ST3GAL3: variants seen among roughly 807,000 people sequenced by gnomAD.
ST3GAL3 encodes ST3 beta-galactoside alpha-2,3-sialyltransferase 3.
A neutral mutation model predicts 50.1 loss-of-function variants in ST3GAL3; 21 were observed. The ratio of observed to expected loss-of-function variants is 0.42; its 90% CI spans 0.30 to 0.60. The LOEUF (loss-of-function observed/expected upper bound fraction) is 0.60, where lower values mean the gene tolerates loss of function less well. ST3GAL3 is among the 20% of genes least tolerant of loss of function. The pLI, the probability that ST3GAL3 is intolerant of heterozygous loss-of-function variation, is 0.19. For missense variants in ST3GAL3, 353 were observed against 489.4 expected (o/e 0.72, Z 2.63); for synonymous variants, 183 against 190.0 (o/e 0.96, Z 0.30).
At chr1:43,827,539 G>T (rs1049807492) in intron 4 of ST3GAL3, among the ~76,000 whole-genome samples, 1 of 152,086 alleles carries the variant, frequency 6.6e-6, no homozygotes, top group Non-Finnish European at 1.5e-5. Flanking sequence ...TTGAAACAGG[G>T]TTGCCCAGGC....
At chr1:43,714,292 A>C (rs893157101) in intron 1 of ST3GAL3, among the ~76,000 whole-genome samples, 1 of 149,076 alleles carries the variant, frequency 6.7e-6, no homozygotes, top group Non-Finnish European at 1.5e-5. Flanking sequence ...ATCCCATACA[A>C]ATTTAAACAT....
At position 43,920,763 on chromosome 1, in the gene ST3GAL3, C is replaced by T; in HGVS notation, c.892-19C>T. 6.2e-7 allele frequency: 1 copy of T among 1,614,186 alleles called. No individual in the cohort carries two copies. ...CTGAACTCTGCATGCCTTCTCTCAC[C>T]CCTGCCCCCGTCTTCTAGAACATCC... On this transcript the variant is annotated intron_variant, in intron 10 of 11. Transcript: ENST00000347631.
At position 43,872,415 on chromosome 1, in the gene ST3GAL3, C is replaced by T. The variant is rs572137448; in HGVS notation, c.303-21968C>T. On this transcript the variant is annotated intron_variant, in intron 5 of 11. Transcript: ENST00000347631. ...CCTGCCAGGGCTGCTGGTGAGGCAC[C>T]TGCTGCTCTTCACCCTGCCTCTGAC... Among the ~76,000 whole-genome samples, 454 of 151,408 alleles carry T rather than the reference C, an allele frequency of 3.0e-3. 2 individuals are homozygous for T. The highest frequency in any genetic ancestry group is 0.01 in the African/African-American group (431 of 41,144).
At chr1:43,778,686 C>T (rs1486530713) in intron 2 of ST3GAL3, among the ~76,000 whole-genome samples, 3 of 142,002 alleles carry the variant, frequency 2.1e-5, no homozygotes, top group Non-Finnish European at 3.0e-5. Flanking sequence ...CGCTCTGTCG[C>T]CCAGGCTGGA....
intron 5 of ST3GAL3, chr1:43,840,030 CTTT>C (rs529923605): frequency 1.1e-4 from 15 of 141,306 alleles, no homozygotes; most frequent in Non-Finnish European, 1.2e-4. Context: ...TTTTCCCTTC[CTTT>C]TTTTTTTTTT....
intron 11 of ST3GAL3, chr1:43,921,445 A>G: frequency 2.5e-6 from 1 of 406,970 alleles, no homozygotes; most frequent in Non-Finnish European, 4.3e-6. Flanking sequence ...CTCCCTAGCC[A>G]AGACCCCATG....
intron 5 of ST3GAL3, among the ~76,000 whole-genome samples, chr1:43,865,559 C>T (rs560803304): frequency 1.3e-5 from 2 of 152,082 alleles, no homozygotes; most frequent in Non-Finnish European, 2.9e-5. Context: ...ATACATAATC[C>T]TTACCCCAGA....
intron 3 of ST3GAL3, among the ~76,000 whole-genome samples, chr1:43,812,148 G>T (rs1454187554): frequency 6.6e-6 from 1 of 152,180 alleles, no homozygotes; most frequent in Admixed American, 6.5e-5. Context: ...CAGCCCTCAT[G>T]AGCTGTCAGT....
At chr1:43,821,409 C>T (rs187125545) in intron 4 of ST3GAL3, among the ~76,000 whole-genome samples, 13 of 152,088 alleles carry the variant, frequency 8.5e-5, no homozygotes, top group Admixed American at 7.2e-4. Flanking sequence ...TCCCGAGAGA[C>T]CCAGGTTTCT....
At chr1:43,881,788 G>T (rs2075181482) in intron 5 of ST3GAL3, among the ~76,000 whole-genome samples, 1 of 152,100 alleles carries the variant, frequency 6.6e-6, no homozygotes, top group South Asian at 2.1e-4. Context: ...ATTTCAGAAT[G>T]GGGGGTGGGG....
chr1:43,831,851 G>A (rs1208963121), intron 4 of ST3GAL3: 1 of 152,222 alleles, frequency 6.6e-6, no homozygotes, highest in African/African-American at 2.4e-5. Flanking sequence ...AGTGTAAACA[G>A]AACAGTGCAT....
chr1:43,804,295 C>T (rs565045000), intron 3 of ST3GAL3, among the ~76,000 whole-genome samples: 4 of 152,312 alleles, frequency 2.6e-5, no homozygotes, highest in African/African-American at 9.6e-5. Flanking sequence ...AGTAGAGAAG[C>T]TCTGCTCCTG....
intron 2 of ST3GAL3, among the ~76,000 whole-genome samples, chr1:43,789,824 C>T (rs1230541042): frequency 6.6e-6 from 1 of 150,490 alleles, no homozygotes; most frequent in Non-Finnish European, 1.5e-5. Flanking sequence ...CAGTGAGCCA[C>T]AATTGCACCA....
chr1:43,850,442 G>T, intron 5 of ST3GAL3: 1 of 589,938 alleles, frequency 1.7e-6, no homozygotes, highest in Non-Finnish European at 3.3e-6. Context: ...CGTTGCTCTG[G>T]ATCTGCAGGG....
At chr1:43,786,675 A>T (rs1376842490) in intron 2 of ST3GAL3, among the ~76,000 whole-genome samples, 1 of 152,096 alleles carries the variant, frequency 6.6e-6, no homozygotes, top group Non-Finnish European at 1.5e-5. Context: ...TATCTCCCTG[A>T]CTAAAACAAA....
intron 5 of ST3GAL3, chr1:43,851,047 T>C (rs2067201953): frequency 1.2e-6 from 1 of 845,682 alleles, no homozygotes; most frequent in Non-Finnish European, 2.1e-6. Context: ...CCTGCTGATA[T>C]GTGCCATGTC....
chr1:43,751,625 G>A (rs148398123), intron 2 of ST3GAL3, among the ~76,000 whole-genome samples: 3 of 152,140 alleles, frequency 2.0e-5, no homozygotes, highest in African/African-American at 7.2e-5. Flanking sequence ...AAATGCATAT[G>A]TATACAGATA....
intron 11 of ST3GAL3, among the ~76,000 whole-genome samples, chr1:43,929,845 C>T (rs1237774592): frequency 3.3e-5 from 5 of 152,172 alleles, no homozygotes; most frequent in African/African-American, 7.2e-5. Context: ...AAGGTCCTTC[C>T]GCCAGCACTG....
chr1:43,749,775 C>A (rs1685302659), intron 2 of ST3GAL3, among the ~76,000 whole-genome samples: 1 of 152,194 alleles, frequency 6.6e-6, no homozygotes, highest in Non-Finnish European at 1.5e-5. Flanking sequence ...GTGATTGGGT[C>A]ATGAGTGCTC....
Sources: gnomAD v4.1 joint callset for allele counts (sites outside exome capture counted in the v4.1 genomes callset) on GRCh38, gnomAD v4.1.1 for gene constraint, MANE v1.5 for transcripts, NCBI Gene and HGNC (gene_info 2026-07-23, HGNC 2026-07-21) for gene names.